The following WASF3 variants were observed in gnomAD, a reference collection of about 807,000 sequenced individuals.
WASF3 encodes the protein WASP family member 3, also known as actin-binding protein WASF3.
WASF3 carries 11 observed loss-of-function variants against 46.6 expected under a neutral mutation model. The observed-to-expected ratio is 0.24, with a 90% CI of 0.15 to 0.39. The LOEUF (loss-of-function observed/expected upper bound fraction) is 0.39, where lower values mean the gene tolerates loss of function less well. WASF3 is among the 10% of genes least tolerant of loss of function. WASF3 has a pLI of 1.00. For missense variants in WASF3, 576 were observed against 669.8 expected (o/e 0.86, Z 1.55); for synonymous variants, 242 against 259.7 (o/e 0.93, Z 0.65).
chr13:26,549,419 G>A, the WASF3 span, among the ~76,000 whole-genome samples: 5 of 152,076 alleles, frequency 3.3e-5, no homozygotes, highest in African/African-American at 9.7e-5. Context: ...GGCATCTTAC[G>A]ACTTGTCTCT....
chr13:26,675,658 G>GTT (rs1398305972), intron 6 of WASF3, among the ~76,000 whole-genome samples: 1 of 151,392 alleles, frequency 6.6e-6, no homozygotes, highest in East Asian at 1.9e-4. Flanking sequence ...GTCTGTGTGT[G>GTT]TGTGTGTGTG....
At chr13:26,610,783 C>CCAGT (rs1880950603) in intron 1 of WASF3, among the ~76,000 whole-genome samples, 1 of 152,128 alleles carries the variant, frequency 6.6e-6, no homozygotes, top group African/African-American at 2.4e-5. Flanking sequence ...CCTGTTCTGG[C>CCAGT]CAGTATTGCA....
At chr13:26,553,500 T>A (rs1879012909), upstream of WASF3, among the ~76,000 whole-genome samples, 1 of 151,890 alleles carries the variant, frequency 6.6e-6, no homozygotes, top group African/African-American at 2.4e-5. Flanking sequence ...TGTTTGCAAT[T>A]TGTCTACAAG....
In WASF3 at chr13:26,591,843, G is replaced by A. The variant is rs891850032; in HGVS notation, c.-108-21118G>A. ...ACTGAGTTGTAGGTTCTTGAGGTCGGGGATGCTTTAGGAACGGCTGGGCAC... is the reference window on the plus strand; with the variant it reads ...ACTGAGTTGTAGGTTCTTGAGGTCGAGGATGCTTTAGGAACGGCTGGGCAC... On this transcript the variant is annotated intron_variant, in intron 1 of 9. Transcript: ENST00000335327. Among the ~76,000 whole-genome samples, 19 of 152,178 alleles carry A rather than the reference G, an allele frequency of 1.2e-4. No individual in the cohort carries two copies. The East Asian group carries it at 3.1e-3, about 25-fold the overall frequency.
chr13:26,620,156 A>T (rs950533708), intron 2 of WASF3, among the ~76,000 whole-genome samples: 5 of 151,934 alleles, frequency 3.3e-5, no homozygotes, highest in Non-Finnish European at 5.9e-5. Flanking sequence ...TTATCTTAAA[A>T]TTTTTTTTAT....
At chr13:26,644,816 A>C (rs912701432) in intron 3 of WASF3, among the ~76,000 whole-genome samples, 2 of 152,176 alleles carry the variant, frequency 1.3e-5, no homozygotes, top group South Asian at 4.1e-4. Flanking sequence ...GAGGAAAGGC[A>C]AAAGAAGGAT....
At chr13:26,594,578 C>T (rs573275332) in intron 1 of WASF3, among the ~76,000 whole-genome samples, 1 of 152,286 alleles carries the variant, frequency 6.6e-6, no homozygotes, top group African/African-American at 2.4e-5. Context: ...CCTGTTGTAG[C>T]TCCTGTATCA....
At chr13:26,625,537 AAGAGAGAGAG>A (rs144812584) in intron 2 of WASF3, among the ~76,000 whole-genome samples, 1 of 150,948 alleles carries the variant, frequency 6.6e-6, no homozygotes, top group East Asian at 1.9e-4. Flanking sequence ...CCAACTTAAG[AAGAGAGAGAG>A]AGAGAGAAAA....
intron 2 of WASF3, among the ~76,000 whole-genome samples, chr13:26,641,650 G>A (rs930293139): frequency 5.9e-5 from 9 of 152,162 alleles, no homozygotes; most frequent in African/African-American, 2.2e-4. Context: ...ACAGGGAACA[G>A]GTGGTCTTAA....
chr13:26,558,463 G>A (rs1879175171), intron 1 of WASF3, among the ~76,000 whole-genome samples: 2 of 108,432 alleles, frequency 1.8e-5, no homozygotes, highest in Non-Finnish European at 2.3e-5. Context: ...CCGCGAGTGC[G>A]GGGGACCGCG....
At chr13:26,560,854 G>A (rs1468778891) in intron 1 of WASF3, among the ~76,000 whole-genome samples, 3 of 152,222 alleles carry the variant, frequency 2.0e-5, no homozygotes, top group East Asian at 3.8e-4. Flanking sequence ...ACAATGTATT[G>A]TTTGATATGG....
intron 2 of WASF3, among the ~76,000 whole-genome samples, chr13:26,633,679 T>G (rs188224074): frequency 6.6e-6 from 1 of 152,352 alleles, no homozygotes; most frequent in African/African-American, 2.4e-5. Context: ...CCAGAGATTC[T>G]GGTATTTGTG....
intron 1 of WASF3, among the ~76,000 whole-genome samples, chr13:26,605,664 C>T (rs887443555): frequency 5.3e-5 from 8 of 152,114 alleles, no homozygotes; most frequent in Admixed American, 1.3e-4. Context: ...GGTGGCTGCC[C>T]GGGGCCAGAC....
intron 2 of WASF3, among the ~76,000 whole-genome samples, chr13:26,633,877 T>A (rs895384074): frequency 2.0e-5 from 3 of 152,230 alleles, no homozygotes; most frequent in African/African-American, 7.2e-5. Context: ...ATTTCTGTTC[T>A]TTTACATTTG....
At chr13:26,616,927 T>A (rs1881152057) in intron 2 of WASF3, among the ~76,000 whole-genome samples, 1 of 152,216 alleles carries the variant, frequency 6.6e-6, no homozygotes, top group Non-Finnish European at 1.5e-5. Context: ...AGATTCAGAT[T>A]CAATGATGAA....
intron 2 of WASF3, among the ~76,000 whole-genome samples, chr13:26,618,453 ACT>A (rs1425282784): frequency 1.3e-5 from 2 of 149,526 alleles, no homozygotes; most frequent in Middle Eastern, 3.3e-3. Context: ...TCTGACACAC[ACT>A]CTCTCGCTCT....
chr13:26,562,884 C>CCCCTTTGCCTCCCTTCCCCTTCCCCTTT (rs150786438), intron 1 of WASF3, among the ~76,000 whole-genome samples: 3 of 132,174 alleles, frequency 2.3e-5, no homozygotes, highest in East Asian at 4.6e-4. Context: ...CCTTCCCCTT[C>CCCCTTTGCCTCCCTTCCCCTTCCCCTTT]GCCTCCCTCC....
intron 1 of WASF3, among the ~76,000 whole-genome samples, chr13:26,590,918 T>C (rs978751310): frequency 6.6e-6 from 1 of 152,058 alleles, no homozygotes; most frequent in African/African-American, 2.4e-5. Flanking sequence ...TGGAGAGAAC[T>C]AAATCATTTA....
intron 1 of WASF3, among the ~76,000 whole-genome samples, chr13:26,566,880 A>C (rs1291751286): frequency 6.6e-6 from 1 of 152,232 alleles, no homozygotes; most frequent in Admixed American, 6.5e-5. Flanking sequence ...TTGTGTGAGC[A>C]TCCTGGTGGC....
Sources: allele counts gnomAD v4.1 joint callset (sites outside exome capture counted in the v4.1 genomes callset), GRCh38; gene constraint gnomAD v4.1.1; transcripts MANE v1.5; gene names NCBI Gene and HGNC (gene_info 2026-07-23, HGNC 2026-07-21).